The following APP variants were observed in gnomAD, a reference collection of about 807,000 sequenced individuals.
APP encodes the protein amyloid beta precursor protein.
In APP, 31 loss-of-function variants were observed where a neutral mutation model predicts 101.4. That is an observed-to-expected ratio of 0.31 (90% confidence interval 0.23 to 0.41). The LOEUF is 0.41. Ranked by LOEUF, APP falls within the 10% of genes least tolerant of loss-of-function variation. The probability of loss-of-function intolerance (pLI) is 1.00; values close to 1 mark genes in which losing one functional copy is unlikely to be tolerated. For synonymous variants in APP, 366 were observed against 364.4 expected (o/e 1.00, Z -0.05); for missense variants, 839 against 1,003.7 (o/e 0.84, Z 2.22).
chr21:25,957,987 A>G (rs1165473030), intron 11 of APP, among the ~76,000 whole-genome samples: 3 of 152,134 alleles, frequency 2.0e-5, no homozygotes, highest in African/African-American at 7.2e-5. Flanking sequence ...CTGTCTTTTA[A>G]TTAAAAAAAA....
At chr21:25,917,986 C>T (rs1053927262) in intron 13 of APP, among the ~76,000 whole-genome samples, 2 of 151,394 alleles carry the variant, frequency 1.3e-5, no homozygotes, top group African/African-American at 4.9e-5. Flanking sequence ...AATGAGATAC[C>T]ATCTCACACC....
intron 1 of APP, among the ~76,000 whole-genome samples, chr21:26,115,385 A>G (rs1228395748): frequency 1.3e-5 from 2 of 152,236 alleles, no homozygotes; most frequent in African/African-American, 2.4e-5. Context: ...TGGAGATACA[A>G]ATTGAACCAG....
At chr21:26,070,217 A>G (rs1317458630) in intron 3 of APP, among the ~76,000 whole-genome samples, 2 of 152,218 alleles carry the variant, frequency 1.3e-5, no homozygotes, top group Non-Finnish European at 2.9e-5. Context: ...TCAAACACGG[A>G]TAGACCCCCA....
intron 3 of APP, among the ~76,000 whole-genome samples, chr21:26,069,632 C>T (rs1249818733): frequency 6.6e-6 from 1 of 152,222 alleles, no homozygotes; most frequent in African/African-American, 2.4e-5. Context: ...TACACAACCA[C>T]CCCACTGTGC....
chr21:25,975,506 T>C (rs911440494), intron 10 of APP, among the ~76,000 whole-genome samples: 1 of 152,114 alleles, frequency 6.6e-6, no homozygotes, highest in African/African-American at 2.4e-5. Flanking sequence ...GATAAATATA[T>C]GCACTCTTGA....
intron 8 of APP, among the ~76,000 whole-genome samples, chr21:25,995,103 G>A (rs2043003424): frequency 6.6e-6 from 1 of 152,112 alleles, no homozygotes; most frequent in Admixed American, 6.5e-5. Flanking sequence ...GTATCTGTTT[G>A]GAACAGTGGA....
rs34986093 is a variant in APP at position 25,930,586 on chromosome 21, T to TTATATATA, written c.1688-18632_1688-18625dup. Among the ~76,000 whole-genome samples the TTATATATA allele has an allele frequency of 1.3e-3, 198 of 150,144 alleles. 1 individual carries two copies. The highest frequency in any genetic ancestry group is 3.0e-3 in the Admixed American group (45 of 15,050). On this transcript the variant is annotated intron_variant, in intron 13 of 17. Transcript: ENST00000346798. ...TCAGGCAAGTGTGTAATAGCACAAA[T>TTATATATA]TATATATATATATATATGTAAAATC...
intron 4 of APP, among the ~76,000 whole-genome samples, chr21:26,051,998 T>C (rs1436523151): frequency 2.6e-5 from 4 of 152,234 alleles, no homozygotes; most frequent in African/African-American, 9.6e-5. Context: ...GACTTCAAAT[T>C]ATTTGGTTTG....
chr21:25,900,047 G>A (rs1483140259), intron 15 of APP, among the ~76,000 whole-genome samples: 1 of 152,082 alleles, frequency 6.6e-6, no homozygotes, highest in African/African-American at 2.4e-5. Flanking sequence ...ATATTGTTAA[G>A]TATTTTTTGG....
intron 6 of APP, among the ~76,000 whole-genome samples, chr21:26,005,121 T>G (rs1042561431): frequency 2.0e-5 from 3 of 151,948 alleles, no homozygotes; most frequent in African/African-American, 7.3e-5. Context: ...CATAAAAAAA[T>G]GAATATAGGA....
chr21:26,041,746 C>T, intron 5 of APP, among the ~76,000 whole-genome samples: 1 of 151,984 alleles, frequency 6.6e-6, no homozygotes, highest in East Asian at 1.9e-4. Flanking sequence ...CTGGTTTGGC[C>T]ACACATCTGT....
intron 13 of APP, among the ~76,000 whole-genome samples, chr21:25,943,534 C>G (rs1470981449): frequency 6.6e-6 from 1 of 151,424 alleles, no homozygotes; most frequent in East Asian, 1.9e-4. Context: ...CTCACTACAG[C>G]CTCTGCCTCC....
At chr21:25,930,996 T>A (rs1179004194) in intron 13 of APP, among the ~76,000 whole-genome samples, 1 of 152,142 alleles carries the variant, frequency 6.6e-6, no homozygotes, top group East Asian at 1.9e-4. Context: ...TTAAAAGAAA[T>A]AATCTGCAAC....
At chr21:25,906,923 A>G (rs1192638238) in intron 14 of APP, among the ~76,000 whole-genome samples, 1 of 152,196 alleles carries the variant, frequency 6.6e-6, no homozygotes, top group Non-Finnish European at 1.5e-5. Flanking sequence ...AGTTAAGTGT[A>G]CCTGTGGTTT....
chr21:26,029,765 T>C (rs2044739489), intron 5 of APP, among the ~76,000 whole-genome samples: 1 of 152,138 alleles, frequency 6.6e-6, no homozygotes, highest in Non-Finnish European at 1.5e-5. Flanking sequence ...AGGGTGGGCT[T>C]TGCATTTTTT....
chr21:26,152,050 G>A (rs988534677), intron 1 of APP, among the ~76,000 whole-genome samples: 2 of 152,024 alleles, frequency 1.3e-5, no homozygotes, highest in African/African-American at 4.8e-5. Context: ...GCCGAGGCGG[G>A]GGGATCACGA....
At chr21:25,975,277 A>C (rs200660348) in intron 10 of APP, 49 bp from the exon 11 acceptor site, 19 of 1,612,462 alleles carry the variant, frequency 1.2e-5, no homozygotes, top group Non-Finnish European at 1.5e-5. Context: ...AGTAGGATGA[A>C]GCAGCAATTT....
In APP at chr21:25,985,284, C is replaced by T. The variant is rs763541142; in HGVS notation, c.1091-2807G>A. Among the ~76,000 whole-genome samples the T allele has an allele frequency of 3.3e-5, 5 of 152,064 alleles. 1 individual carries two copies. In the South Asian group the frequency reaches 6.2e-4, roughly 19 times the overall value. ...ATTTTCTGTGCCAACTTGATTGGGC[C>T]GCAAGGTGCCCAGATTAAACATTGT... On this transcript the variant is annotated intron_variant, in intron 8 of 17. Coordinates refer to ENST00000346798, the MANE Select transcript of APP (RefSeq NM_000484.4).
At chr21:25,953,635 G>C (rs1448008381) in intron 13 of APP, among the ~76,000 whole-genome samples, 3 of 152,120 alleles carry the variant, frequency 2.0e-5, no homozygotes, top group African/African-American at 7.2e-5. Context: ...CTCCAGTATA[G>C]GTACATATGC....
Sources: gnomAD v4.1 joint callset for allele counts (sites outside exome capture counted in the v4.1 genomes callset) on GRCh38, gnomAD v4.1.1 for gene constraint, MANE v1.5 for transcripts, NCBI Gene and HGNC (gene_info 2026-07-23, HGNC 2026-07-21) for gene names.